The following ARB2A variants were observed in gnomAD, a reference collection of about 807,000 sequenced individuals.
The protein encoded by ARB2A is ARB2 cotranscriptional regulator A, also known as cotranscriptional regulator ARB2A.
At chr5:93,979,354 A>G in the ARB2A span, among the ~76,000 whole-genome samples, 1 of 152,154 alleles carries the variant, frequency 6.6e-6, no homozygotes, top group Non-Finnish European at 1.5e-5. Context: ...AATGGAAACA[A>G]ATTTAGTATT....
At chr5:93,727,240 A>C in the ARB2A span, among the ~76,000 whole-genome samples, 252 of 152,214 alleles carry the variant, frequency 1.7e-3, 2 homozygotes, top group Middle Eastern at 3.4e-3. Context: ...AGGTATAGCT[A>C]TCTCTCTTGG....
At chr5:94,018,270 A>G in the ARB2A span, among the ~76,000 whole-genome samples, 2 of 152,312 alleles carry the variant, frequency 1.3e-5, no homozygotes, top group South Asian at 4.1e-4. Flanking sequence ...CAATCTAAAG[A>G]AGACCAATAC....
At chr5:93,784,452 T>C in the ARB2A span, 1 of 1,613,416 alleles carries the variant, frequency 6.2e-7, no homozygotes, top group Non-Finnish European at 8.5e-7. Context: ...AGTCTGTCAA[T>C]GCCACAGCAG....
chr5:93,705,759 G>C, the ARB2A span, among the ~76,000 whole-genome samples: 1 of 151,940 alleles, frequency 6.6e-6, no homozygotes, highest in African/African-American at 2.4e-5. Context: ...ATTGGTCAGA[G>C]AGCATAGAGT....
chr5:93,800,138 C>T, the ARB2A span, among the ~76,000 whole-genome samples: 1 of 151,808 alleles, frequency 6.6e-6, no homozygotes, highest in African/African-American at 2.4e-5. Context: ...ATTTAATGTG[C>T]TACAAAGCAA....
At chr5:94,065,065 G>A in the ARB2A span, among the ~76,000 whole-genome samples, 1,958 of 152,176 alleles carry the variant, frequency 0.013, 39 homozygotes, top group African/African-American at 0.045. Flanking sequence ...ATAAGCCCTC[G>A]CATATCAATA....
At chr5:93,981,875 G>A in the ARB2A span, among the ~76,000 whole-genome samples, 1 of 152,038 alleles carries the variant, frequency 6.6e-6, no homozygotes, top group Non-Finnish European at 1.5e-5. Context: ...AGCATCTGTA[G>A]TACTTCCACT....
the ARB2A span, among the ~76,000 whole-genome samples, chr5:94,099,428 T>A: frequency 6.6e-6 from 1 of 151,476 alleles, no homozygotes; most frequent in Admixed American, 6.6e-5. Flanking sequence ...ATCGAGACCA[T>A]CTTGGCTAAC....
At chr5:94,021,450 A>G in the ARB2A span, among the ~76,000 whole-genome samples, 1 of 152,226 alleles carries the variant, frequency 6.6e-6, no homozygotes, top group African/African-American at 2.4e-5. Flanking sequence ...CCATACTGTG[A>G]CTAACTGATG....
the ARB2A span, among the ~76,000 whole-genome samples, chr5:94,020,084 T>C: frequency 6.6e-6 from 1 of 152,128 alleles, no homozygotes; most frequent in South Asian, 2.1e-4. Flanking sequence ...TATGTAGCCA[T>C]AAAAAAGGAT....
At chr5:94,063,022 C>A in the ARB2A span, among the ~76,000 whole-genome samples, 4 of 152,320 alleles carry the variant, frequency 2.6e-5, no homozygotes, top group East Asian at 5.8e-4. Flanking sequence ...ATGGCTAGAG[C>A]CACTGAAAGC....
the ARB2A span, among the ~76,000 whole-genome samples, chr5:93,981,432 T>C: frequency 1.3e-5 from 2 of 152,088 alleles, no homozygotes; most frequent in Non-Finnish European, 2.9e-5. Context: ...AGAAAGACTG[T>C]AGTTTTACTT....
chr5:93,721,490 A>C, the ARB2A span, among the ~76,000 whole-genome samples: 2 of 152,152 alleles, frequency 1.3e-5, no homozygotes, highest in Non-Finnish European at 2.9e-5. Context: ...TAATTACCAT[A>C]TTTGTTAGTT....
chr5:94,030,613 C>T, the ARB2A span, among the ~76,000 whole-genome samples: 8 of 152,148 alleles, frequency 5.3e-5, no homozygotes, highest in African/African-American at 9.7e-5. Flanking sequence ...TTAAGTGATG[C>T]GCTGGGTCTA....
chr5:93,754,483 G>C, the ARB2A span, among the ~76,000 whole-genome samples: 1 of 152,158 alleles, frequency 6.6e-6, no homozygotes. Context: ...GGAGGGGGCT[G>C]AAAGTACATA....
At chr5:93,801,658 G>C in the ARB2A span, among the ~76,000 whole-genome samples, 1 of 152,100 alleles carries the variant, frequency 6.6e-6, no homozygotes, top group South Asian at 2.1e-4. Flanking sequence ...ATGTGCACAT[G>C]TGAGGGCACA....
At chr5:93,978,742 A>G in the ARB2A span, among the ~76,000 whole-genome samples, 1 of 152,154 alleles carries the variant, frequency 6.6e-6, no homozygotes, top group African/African-American at 2.4e-5. Flanking sequence ...ATACCCATGT[A>G]ACAAACCTGC....
chr5:93,720,800 C>T, the ARB2A span, among the ~76,000 whole-genome samples: 1 of 152,118 alleles, frequency 6.6e-6, no homozygotes, highest in South Asian at 2.1e-4. Context: ...ATATTTCAGG[C>T]ATTTATGATG....
chr5:94,038,820 A>C, the ARB2A span, among the ~76,000 whole-genome samples: 2 of 151,986 alleles, frequency 1.3e-5, no homozygotes, highest in African/African-American at 2.4e-5. Flanking sequence ...AAAAAAAAAA[A>C]AAACAGAAGG....
Sources: allele counts gnomAD v4.1 joint callset (sites outside exome capture counted in the v4.1 genomes callset), GRCh38; gene constraint gnomAD v4.1.1; transcripts MANE v1.5; gene names NCBI Gene and HGNC (gene_info 2026-07-23, HGNC 2026-07-21).